Variants in SOBP observed in about 807,000 individuals in gnomAD.
The protein encoded by SOBP is sine oculis binding protein homolog.
SOBP carries 4 observed loss-of-function variants against 53.6 expected under a neutral mutation model. That is an observed-to-expected ratio of 0.07 (90% CI 0.04 to 0.17). SOBP has a LOEUF of 0.17. Among genes scored for constraint, SOBP ranks in the 10% least tolerant of loss-of-function variants. The probability of loss-of-function intolerance (pLI) is 1.00; values close to 1 mark genes in which losing one functional copy is unlikely to be tolerated. For synonymous variants in SOBP, 584 were observed against 522.6 expected (o/e 1.12, Z -1.60); for missense variants, 1,088 against 1,204.7 (o/e 0.90, Z 1.43).
At chr6:107,546,337 T>C (rs150677090) in intron 4 of SOBP, among the ~76,000 whole-genome samples, 197 of 152,344 alleles carry the variant, frequency 1.3e-3, no homozygotes, top group African/African-American at 4.5e-3. Context: ...TTTGAATCTT[T>C]AAGGAAAATC....
chr6:107,491,850 A>G (rs1259100659), intron 1 of SOBP, among the ~76,000 whole-genome samples: 1 of 152,208 alleles, frequency 6.6e-6, no homozygotes, highest in African/African-American at 2.4e-5. Flanking sequence ...ATGGTGTGCA[A>G]GTAAGTCAAA....
At chr6:107,622,697 A>AG (rs1770233594) in intron 5 of SOBP, among the ~76,000 whole-genome samples, 1 of 152,214 alleles carries the variant, frequency 6.6e-6, no homozygotes, top group South Asian at 2.1e-4. Flanking sequence ...TCTAATAGGT[A>AG]GGTAAAATGC....
At chr6:107,494,894 A>G (rs954301865) in intron 1 of SOBP, among the ~76,000 whole-genome samples, 4 of 152,158 alleles carry the variant, frequency 2.6e-5, no homozygotes, top group African/African-American at 9.7e-5. Context: ...ACCTGTGTCA[A>G]TTGCACAGAC....
chr6:107,503,007 T>C (rs4946834), intron 1 of SOBP, among the ~76,000 whole-genome samples: 20,663 of 152,184 alleles, frequency 0.14, 2,261 homozygotes, highest in African/African-American at 0.28. Flanking sequence ...GTAATCTGTC[T>C]GCCTCAGCCT....
chr6:107,647,481 C>T (rs1293929840), intron 6 of SOBP, among the ~76,000 whole-genome samples: 1 of 152,208 alleles, frequency 6.6e-6, no homozygotes, highest in African/African-American at 2.4e-5. Context: ...AGCTACCTGG[C>T]TCGTAGTAGA....
rs201635813 is a variant in SOBP at position 107,506,460 on chromosome 6, A to G, written c.421+33A>G. ...ACTACTGGTGTTTTCAGTGATAACA[A>G]TTCATAGAAAGTTGTTTTAACCATC... On this transcript the variant is annotated intron_variant, in intron 3 of 6. Coordinates refer to ENST00000317357, the MANE Select transcript of SOBP (RefSeq NM_018013.4). 1.5e-4 allele frequency: 236 copies of G among 1,607,072 alleles called. 1 individual carries two copies. The African/African-American group carries it at 2.9e-3, about 20-fold the overall frequency.
Position 107,490,473 on chromosome 6 carries a change from G to A in SOBP, c.-144G>A. The A allele has an allele frequency of 3.3e-6, 2 of 613,702 alleles. No individual in the cohort carries two copies. Among genetic ancestry groups the A allele is most frequent in the Non-Finnish European group, 5.7e-6 (2 of 348,088 alleles). The allele number at this position is 613,702 out of a possible 1,614,324, so 38.0% of individuals were successfully genotyped here. On this transcript the variant is annotated 5_prime_UTR_variant, in exon 1 of 7. Coordinates refer to ENST00000317357, the MANE Select transcript of SOBP (RefSeq NM_018013.4). ...CTTCTCGGCGCCTGCCCTCCCCCTC[G>A]CGGCTCGGTCCGGCCCCGCCAGCAC...
chr6:107,551,854 C>T lies in SOBP; in HGVS notation c.573+18244C>T, dbSNP rs566141118. Among the ~76,000 whole-genome samples the T allele has an allele frequency of 2.0e-5, 3 of 152,286 alleles. No individual in the cohort carries two copies. In the East Asian group the frequency reaches 5.8e-4, roughly 29 times the overall value. ...TCAACAACATGGTGAAACCTCATCT[C>T]TACTAAATATACAAAAATTAGCTGG... On this transcript the variant is annotated intron_variant, in intron 4 of 6. Transcript: ENST00000317357.
intron 3 of SOBP, among the ~76,000 whole-genome samples, chr6:107,511,162 T>C (rs910752622): frequency 6.6e-6 from 1 of 152,220 alleles, no homozygotes; most frequent in African/African-American, 2.4e-5. Flanking sequence ...GAGCCAAGAC[T>C]AGTACTAAGG....
chr6:107,502,455 T>C (rs910007295), intron 1 of SOBP, among the ~76,000 whole-genome samples: 2 of 152,212 alleles, frequency 1.3e-5, no homozygotes, highest in African/African-American at 4.8e-5. Context: ...TTTCCAGATA[T>C]AGCAATTGAT....
At chr6:107,605,400 G>T (rs1052661199) in intron 5 of SOBP, among the ~76,000 whole-genome samples, 1 of 152,196 alleles carries the variant, frequency 6.6e-6, no homozygotes, top group African/African-American at 2.4e-5. Flanking sequence ...AGAGATTATG[G>T]CTTCTAATTA....
chr6:107,636,527 G>C (rs1771050352), intron 6 of SOBP, among the ~76,000 whole-genome samples: 1 of 152,202 alleles, frequency 6.6e-6, no homozygotes, highest in South Asian at 2.1e-4. Context: ...TTCAACTCAG[G>C]CCTGTTGGAC....
chr6:107,603,662 A>G (rs1583261410), intron 5 of SOBP, among the ~76,000 whole-genome samples: 3 of 152,184 alleles, frequency 2.0e-5, no homozygotes, highest in Admixed American at 1.3e-4. Context: ...GGAAGCCTCT[A>G]TGCTCAGAGA....
At chr6:107,589,188 T>C (rs1785664675) in intron 5 of SOBP, among the ~76,000 whole-genome samples, 2 of 152,214 alleles carry the variant, frequency 1.3e-5, no homozygotes, top group Admixed American at 1.3e-4. Context: ...TGCCATCTTC[T>C]TGCATGGATT....
chr6:107,540,156 A>G (rs1336429848), intron 4 of SOBP, among the ~76,000 whole-genome samples: 1 of 152,156 alleles, frequency 6.6e-6, no homozygotes, highest in Non-Finnish European at 1.5e-5. Flanking sequence ...TAAGTCCTGA[A>G]TTTTTCTTGT....
Position 107,548,452 on chromosome 6 carries a change from C to T in SOBP, c.573+14842C>T, listed in dbSNP as rs543123127. Among the ~76,000 whole-genome samples the T allele has an allele frequency of 1.8e-4, 27 of 152,130 alleles. No homozygotes were observed. The East Asian group carries it at 4.1e-3, about 23-fold the overall frequency. ...AGAGACAGGGTTTCATTGTGTTAGCCAGGATGGTCTCCATCTCCTGACCTC... is the reference window on the plus strand; with the variant it reads ...AGAGACAGGGTTTCATTGTGTTAGCTAGGATGGTCTCCATCTCCTGACCTC... On this transcript the variant is annotated intron_variant, in intron 4 of 6. Coordinates refer to ENST00000317357, the MANE Select transcript of SOBP (RefSeq NM_018013.4).
chr6:107,648,773 C>A (rs846966), intron 6 of SOBP, among the ~76,000 whole-genome samples: 26 of 152,018 alleles, frequency 1.7e-4, no homozygotes, highest in Admixed American at 1.7e-3. Context: ...TTCTGGCAAC[C>A]CTTCCTGGCA....
chr6:107,502,792 G>GC (rs1782877775), intron 1 of SOBP, among the ~76,000 whole-genome samples: 2 of 152,100 alleles, frequency 1.3e-5, no homozygotes. Flanking sequence ...ATGGAGGCTT[G>GC]CCCTGTTGCC....
At chr6:107,557,010 T>G (rs978956968) in intron 4 of SOBP, among the ~76,000 whole-genome samples, 3 of 152,326 alleles carry the variant, frequency 2.0e-5, no homozygotes, top group Non-Finnish European at 4.4e-5. Context: ...ATTTTATAAT[T>G]TATAAGGCAT....
Sources: gnomAD v4.1 joint callset for allele counts (sites outside exome capture counted in the v4.1 genomes callset) on GRCh38, gnomAD v4.1.1 for gene constraint, MANE v1.5 for transcripts, NCBI Gene and HGNC (gene_info 2026-07-23, HGNC 2026-07-21) for gene names.